Variants in NUDT6 observed in about 807,000 individuals in gnomAD.
The protein encoded by NUDT6 is nudix hydrolase 6, also known as FAD diphosphatase NUDT6.
NUDT6 carries 24 observed loss-of-function variants against 36.8 expected under a neutral mutation model. That is an observed-to-expected ratio of 0.65 (90% CI 0.47 to 0.92). NUDT6 has a LOEUF of 0.92. NUDT6 is among the 40% of genes least tolerant of loss of function. The pLI is 0.00. For synonymous variants in NUDT6, 163 were observed against 157.0 expected, an observed-to-expected ratio of 1.04 and a Z score of -0.29; for missense variants, 388 against 392.8, an observed-to-expected ratio of 0.99 and a Z score of 0.10.
chr4:122,896,020 T>C (rs3804159), intron 4 of NUDT6: 3,312 of 152,788 alleles, frequency 0.022, 62 homozygotes, highest in Non-Finnish European at 0.036. Flanking sequence ...TTTTCATTTC[T>C]AGCTGCTTTC....
At chr4:122,920,009 T>C (rs1398646285) in intron 1 of NUDT6, 2 of 152,248 alleles carry the variant, frequency 1.3e-5, no homozygotes, top group Non-Finnish European at 2.9e-5. Context: ...AGATATGTTA[T>C]GTGTGAAGCT....
intron 1 of NUDT6, 118 bp from the exon 2 acceptor site, chr4:122,917,822 A>G (rs1025579953): frequency 1.4e-5 from 11 of 807,804 alleles, no homozygotes; most frequent in South Asian, 1.8e-5. Flanking sequence ...GAGGTCCCCA[A>G]ATGTCTTGTT....
intron 1 of NUDT6, chr4:122,920,093 G>A (rs1410550225): frequency 1.3e-5 from 2 of 152,184 alleles, no homozygotes; most frequent in Admixed American, 6.5e-5. Context: ...TGTTCTAAAA[G>A]AATATGAATA....
chr4:122,922,510 C>T lies in NUDT6; in HGVS notation c.63G>A (p.Gly21=). 4 of 1,609,518 alleles carry T rather than the reference C, an allele frequency of 2.5e-6. No homozygotes were observed. The highest frequency in any genetic ancestry group is 8.5e-7 in the Non-Finnish European group (1 of 1,179,610). The part of the protein sequence containing the change: ...RAMLARTYGP[G]PSAGYRWASG... The stretch of plus-strand genomic sequence containing the variant: ...AGGCCCAGCGGTAACCCGCCGAAGG[C>T]CCGGGGCCGTAGGTTCGGGCAAGCA... Residue 21 remains glycine, a synonymous_variant, in exon 1 of 5, where the codon GGG becomes GGA. Coordinates refer to ENST00000304430, the MANE Select transcript of NUDT6 (RefSeq NM_007083.5).
chr4:122,916,694 A>T (rs1364434243), intron 2 of NUDT6, among the ~76,000 whole-genome samples: 3 of 152,166 alleles, frequency 2.0e-5, no homozygotes, highest in Non-Finnish European at 4.4e-5. Flanking sequence ...AGCACTATGT[A>T]ATAGTCCTAT....
intron 3 of NUDT6, among the ~76,000 whole-genome samples, chr4:122,898,521 G>A (rs1727435860): frequency 6.6e-6 from 1 of 152,116 alleles, no homozygotes; most frequent in South Asian, 2.1e-4. Context: ...CATAAAATAA[G>A]TTATGGTCCT....
chr4:122,913,720 C>G (rs1727775130), intron 2 of NUDT6, among the ~76,000 whole-genome samples: 1 of 151,408 alleles, frequency 6.6e-6, no homozygotes. Context: ...GTTTTAAGTT[C>G]TAGTTCATTT....
In NUDT6 at chr4:122,922,579, G is replaced by A. The variant is rs777532236; in HGVS notation, c.-7C>T. 3.8e-6 allele frequency: 6 copies of A among 1,589,950 alleles called. No individual in the cohort carries two copies. The highest frequency in any genetic ancestry group is 2.7e-5 in the African/African-American group (2 of 74,580). On this transcript the variant is annotated 5_prime_UTR_variant, in exon 1 of 5. Coordinates refer to ENST00000304430, the MANE Select transcript of NUDT6 (RefSeq NM_007083.5). ...AGCTCAGTGGCTGCCGCATCTCCAC[G>A]CCGCTTAATTCGTCCGTTGCCCAAA...
intron 1 of NUDT6, chr4:122,919,921 T>C (rs575279737): frequency 2.6e-5 from 4 of 152,356 alleles, no homozygotes; most frequent in African/African-American, 9.6e-5. Context: ...ACTAATGAAA[T>C]GACTGGCTTG....
At chr4:122,900,048 AC>A (rs1242715908) in intron 3 of NUDT6, among the ~76,000 whole-genome samples, 1 of 77,220 alleles carries the variant, frequency 1.3e-5, no homozygotes. Flanking sequence ...ATGGTCATGC[AC>A]CCCCGCCACC....
Position 122,911,571 on chromosome 4 carries a change from A to C in NUDT6, c.498+997T>G, listed in dbSNP as rs967181703. Among the ~76,000 whole-genome samples, 4 of 152,218 alleles carry C rather than the reference A, an allele frequency of 2.6e-5. No homozygotes were observed. In the East Asian group the frequency reaches 5.8e-4, roughly 22 times the overall value. On this transcript the variant is annotated intron_variant, in intron 3 of 4. Transcript: ENST00000304430. ...GAGATCCTGCCTTAATGAAAACTTCAAAGTTACTTGGAGCCATAAGAATAG... is the reference window on the plus strand; with the variant it reads ...GAGATCCTGCCTTAATGAAAACTTCCAAGTTACTTGGAGCCATAAGAATAG...
chr4:122,892,707 A>G lies in NUDT6; in HGVS notation c.*121T>C. 7.4e-7 allele frequency: 1 copy of G among 1,353,612 alleles called. No individual in the cohort carries two copies. The highest frequency in any genetic ancestry group is 2.5e-5 in the East Asian group (1 of 39,716). 83.9% of individuals were successfully genotyped at this position (1,353,612 alleles called of 1,614,324 possible). A position where few individuals can be genotyped will look rare whatever the true frequency, so the allele number is the denominator to read the frequency against. ...TAAAATGTGCATGTTTAGAAACAAAATTTCTTCATGGAAATCATATACATT... is the reference window on the plus strand; with the variant it reads ...TAAAATGTGCATGTTTAGAAACAAAGTTTCTTCATGGAAATCATATACATT... On this transcript the variant is annotated 3_prime_UTR_variant, in exon 5 of 5. Coordinates refer to ENST00000304430, the MANE Select transcript of NUDT6 (RefSeq NM_007083.5).
At chr4:122,893,487 G>A in intron 4 of NUDT6, 1 of 324,198 alleles carries the variant, frequency 3.1e-6, no homozygotes. Context: ...TACATTTTTG[G>A]GGTCAGCTCT....
intron 4 of NUDT6, chr4:122,894,265 T>G (rs746927339): frequency 1.3e-5 from 2 of 152,178 alleles, no homozygotes; most frequent in African/African-American, 2.4e-5. Flanking sequence ...TGCCCATAGG[T>G]TAAACATGGT....
intron 3 of NUDT6, among the ~76,000 whole-genome samples, chr4:122,909,949 C>A (rs1035698010): frequency 5.3e-5 from 8 of 152,188 alleles, no homozygotes; most frequent in African/African-American, 1.4e-4. Flanking sequence ...TTTGTTTTGT[C>A]ATTAGGTCTG....
intron 3 of NUDT6, among the ~76,000 whole-genome samples, chr4:122,900,069 G>A (rs866534517): frequency 2.3e-4 from 7 of 30,988 alleles, no homozygotes; most frequent in African/African-American, 7.8e-4. Flanking sequence ...CCCCCCCCCG[G>A]CCCCCACCAC....
chr4:122,921,959 C>G (rs978264516), intron 1 of NUDT6: 1 of 210,980 alleles, frequency 4.7e-6, no homozygotes, highest in Non-Finnish European at 9.3e-6. Flanking sequence ...GTGGCAGGCA[C>G]TGTGCTGTGC....
chr4:122,894,494 G>A (rs1301289825), intron 4 of NUDT6: 1 of 152,084 alleles, frequency 6.6e-6, no homozygotes, highest in Non-Finnish European at 1.5e-5. Flanking sequence ...GAGGTGGGAG[G>A]GTTGATCACT....
intron 3 of NUDT6, among the ~76,000 whole-genome samples, chr4:122,902,979 T>C (rs1727553889): frequency 6.6e-6 from 1 of 152,166 alleles, no homozygotes. Flanking sequence ...ATTAGTTGTT[T>C]ATAATAAGTA....
Sources: gnomAD v4.1 joint callset for allele counts (sites outside exome capture counted in the v4.1 genomes callset) on GRCh38, gnomAD v4.1.1 for gene constraint, MANE v1.5 for transcripts, NCBI Gene and HGNC (gene_info 2026-07-23, HGNC 2026-07-21) for gene names.